MEI4: variants seen among roughly 807,000 people sequenced by gnomAD.
MEI4 encodes meiosis-specific protein MEI4.
Under a neutral mutation model 31.4 loss-of-function variants are expected in MEI4, and 27 were observed. That is an observed-to-expected ratio of 0.86 (90% CI 0.63 to 1.19). The LOEUF (loss-of-function observed/expected upper bound fraction) is 1.19, where lower values mean the gene tolerates loss of function less well. MEI4 is among the 50% of genes most tolerant of loss of function. The probability of loss-of-function intolerance (pLI) is 0.00; values close to 1 mark genes in which losing one functional copy is unlikely to be tolerated. For missense variants in MEI4, 329 were observed against 398.9 expected (o/e 0.82, Z 1.49); for synonymous variants, 122 against 145.4 (o/e 0.84, Z 1.16).
chr6:77,848,853 T>G (rs563361034), intron 4 of MEI4, among the ~76,000 whole-genome samples: 3 of 152,314 alleles, frequency 2.0e-5, no homozygotes. Context: ...AAAACCATAT[T>G]GTTGTGTATT....
chr6:77,793,697 T>C (rs920468741), intron 3 of MEI4, among the ~76,000 whole-genome samples: 5 of 152,156 alleles, frequency 3.3e-5, no homozygotes, highest in African/African-American at 4.8e-5. Flanking sequence ...TTTTTGTATA[T>C]GATTAAAGTT....
intron 3 of MEI4, among the ~76,000 whole-genome samples, chr6:77,808,860 G>A (rs1413304894): frequency 2.0e-5 from 3 of 152,120 alleles, no homozygotes; most frequent in East Asian, 1.9e-4. Context: ...GTTTTTCAAG[G>A]CTGTCCTAAG....
chr6:77,745,375 G>A (rs942956615), intron 2 of MEI4, among the ~76,000 whole-genome samples: 3 of 152,078 alleles, frequency 2.0e-5, no homozygotes, highest in African/African-American at 7.2e-5. Context: ...CACAAAGAAG[G>A]CCATTACATA....
chr6:77,775,323 T>C (rs1582129208), intron 3 of MEI4, among the ~76,000 whole-genome samples: 1 of 152,246 alleles, frequency 6.6e-6, no homozygotes, highest in East Asian at 1.9e-4. Flanking sequence ...TGGTCTTTTT[T>C]CTCTCATTCC....
intron 1 of MEI4, among the ~76,000 whole-genome samples, chr6:77,665,257 T>G (rs1768604612): frequency 1.4e-5 from 2 of 145,876 alleles, no homozygotes; most frequent in East Asian, 2.0e-4. Flanking sequence ...GAGGTAGGGG[T>G]GCGGAAATAA....
intron 3 of MEI4, among the ~76,000 whole-genome samples, chr6:77,825,621 A>C (rs1272037347): frequency 1.3e-5 from 2 of 152,222 alleles, no homozygotes; most frequent in Admixed American, 1.3e-4. Flanking sequence ...ATAAGTGCTT[A>C]GCAGGTAGCA....
At chr6:77,743,417 C>A (rs1003312355) in intron 2 of MEI4, among the ~76,000 whole-genome samples, 2 of 152,082 alleles carry the variant, frequency 1.3e-5, no homozygotes, top group Non-Finnish European at 2.9e-5. Flanking sequence ...ATTTGGCTCT[C>A]TGTTTGTCTG....
At chr6:77,846,031 C>T (rs1413854496) in intron 4 of MEI4, among the ~76,000 whole-genome samples, 1 of 151,704 alleles carries the variant, frequency 6.6e-6, no homozygotes, top group Non-Finnish European at 1.5e-5. Context: ...TATTACATAT[C>T]AAGTGAATTT....
At chr6:77,754,978 T>C (rs1341072176) in intron 2 of MEI4, among the ~76,000 whole-genome samples, 4 of 152,102 alleles carry the variant, frequency 2.6e-5, no homozygotes, top group African/African-American at 9.7e-5. Flanking sequence ...CCAAGCCATA[T>C]CAATGGGTTT....
chr6:77,827,200 A>T (rs1020932011), intron 3 of MEI4, among the ~76,000 whole-genome samples: 2 of 151,810 alleles, frequency 1.3e-5, no homozygotes, highest in Non-Finnish European at 2.9e-5. Flanking sequence ...CTCTACTAAA[A>T]ATACAAAAAA....
At chr6:77,714,203 T>A (rs906265306) in intron 2 of MEI4, among the ~76,000 whole-genome samples, 2 of 151,148 alleles carry the variant, frequency 1.3e-5, no homozygotes, top group African/African-American at 4.9e-5. Flanking sequence ...ACACACTCCA[T>A]GACACAAGTT....
intron 2 of MEI4, among the ~76,000 whole-genome samples, chr6:77,732,389 A>T (rs1217587939): frequency 2.0e-5 from 3 of 151,998 alleles, no homozygotes; most frequent in African/African-American, 7.3e-5. Context: ...TCTTTGAAGC[A>T]ATTGTGAATG....
At chr6:77,654,796 CCT>C (rs1768363073) in intron 1 of MEI4, among the ~76,000 whole-genome samples, 5 of 151,928 alleles carry the variant, frequency 3.3e-5, no homozygotes, top group Admixed American at 3.3e-4. Flanking sequence ...ACATTTTAAT[CCT>C]CTGTTCTTCA....
chr6:77,908,463 T>C (rs1257876768), intron 4 of MEI4, among the ~76,000 whole-genome samples: 2 of 152,246 alleles, frequency 1.3e-5, no homozygotes, highest in African/African-American at 2.4e-5. Flanking sequence ...GTTGTAGATA[T>C]GCGGCATTAT....
At chr6:77,842,692 A>G (rs989283515) in intron 4 of MEI4, among the ~76,000 whole-genome samples, 1 of 152,022 alleles carries the variant, frequency 6.6e-6, no homozygotes, top group African/African-American at 2.4e-5. Context: ...CCCACAGTAC[A>G]AGCATTTGAG....
chr6:77,774,545 C>T (rs929959373), intron 3 of MEI4, among the ~76,000 whole-genome samples: 4 of 152,000 alleles, frequency 2.6e-5, no homozygotes, highest in African/African-American at 9.7e-5. Flanking sequence ...ATTGTTGGGA[C>T]ATAGAAGGCC....
At chr6:77,770,016 T>G (rs2127686153) in intron 3 of MEI4, among the ~76,000 whole-genome samples, 1 of 151,744 alleles carries the variant, frequency 6.6e-6, no homozygotes, top group African/African-American at 2.4e-5. Context: ...GGTACCAGCT[T>G]GGCCGCAGTG....
chr6:77,823,968 T>C (rs1769885704), intron 3 of MEI4, among the ~76,000 whole-genome samples: 1 of 152,190 alleles, frequency 6.6e-6, no homozygotes, highest in Non-Finnish European at 1.5e-5. Flanking sequence ...ATTAGTAATT[T>C]TTTAAATCTG....
intron 2 of MEI4, among the ~76,000 whole-genome samples, chr6:77,728,142 A>G (rs1016827964): frequency 2.0e-5 from 3 of 148,716 alleles, no homozygotes; most frequent in Non-Finnish European, 4.5e-5. Flanking sequence ...ATTTAGATAG[A>G]TGTTTATTGG....
Sources: gnomAD v4.1 joint callset for allele counts (sites outside exome capture counted in the v4.1 genomes callset) on GRCh38, gnomAD v4.1.1 for gene constraint, MANE v1.5 for transcripts, NCBI Gene and HGNC (gene_info 2026-07-23, HGNC 2026-07-21) for gene names.